IMMP2L: variants seen among roughly 807,000 people sequenced by gnomAD.
The protein encoded by IMMP2L is inner mitochondrial membrane peptidase subunit 2.
A neutral mutation model predicts 19.3 loss-of-function variants in IMMP2L; 18 were observed. That is an observed-to-expected ratio of 0.93 (90% CI 0.64 to 1.38). The LOEUF is 1.38. Ranked by LOEUF, IMMP2L falls within the 40% of genes most tolerant of loss-of-function variation. The pLI is 0.00. For missense variants in IMMP2L, 233 were observed against 218.2 expected (o/e 1.07, Z -0.43); for synonymous variants, 76 against 73.0 (o/e 1.04, Z -0.21).
intron 3 of IMMP2L, among the ~76,000 whole-genome samples, chr7:110,967,960 T>G (rs1342229927): frequency 2.6e-5 from 4 of 152,050 alleles, no homozygotes; most frequent in African/African-American, 7.2e-5. Flanking sequence ...CTAAAAGGCT[T>G]TGGAGTATAT....
intron 3 of IMMP2L, among the ~76,000 whole-genome samples, chr7:111,344,991 G>A (rs1827393320): frequency 6.6e-6 from 1 of 151,948 alleles, no homozygotes; most frequent in Admixed American, 6.6e-5. Flanking sequence ...AGAAACCCAG[G>A]GACTCAACTC....
At chr7:111,546,334 T>C (rs1020109555) in intron 1 of IMMP2L, among the ~76,000 whole-genome samples, 4 of 152,088 alleles carry the variant, frequency 2.6e-5, no homozygotes, top group East Asian at 1.9e-4. Context: ...CAATGACACA[T>C]TGTGTTTTCA....
At chr7:110,794,925 G>A (rs956110213) in intron 5 of IMMP2L, among the ~76,000 whole-genome samples, 1 of 151,972 alleles carries the variant, frequency 6.6e-6, no homozygotes, top group Non-Finnish European at 1.5e-5. Flanking sequence ...ATACCTAAAT[G>A]ACTTGCCCAC....
intron 5 of IMMP2L, among the ~76,000 whole-genome samples, chr7:110,841,480 A>G (rs1240416242): frequency 1.3e-5 from 2 of 152,080 alleles, no homozygotes; most frequent in African/African-American, 4.8e-5. Flanking sequence ...TTATTTTTAG[A>G]TAACTAATAA....
chr7:111,348,351 C>T (rs1263275046), intron 3 of IMMP2L, among the ~76,000 whole-genome samples: 3 of 151,954 alleles, frequency 2.0e-5, no homozygotes, highest in Non-Finnish European at 4.4e-5. Flanking sequence ...TATATAAAAT[C>T]TTTATATGAG....
Position 111,301,154 on chromosome 7 carries a change from A to G in IMMP2L, c.239+186084T>C, listed in dbSNP as rs758534991. 3.0e-4 allele frequency among the ~76,000 whole-genome samples: 45 copies of G among 152,076 alleles called. 1 individual carries two copies. The highest frequency in any genetic ancestry group is 8.5e-4 in the Admixed American group (13 of 15,232). ...TAGTCATTCTGATAGGTGTGTAGTA[A>G]TAACTTATTGTGATTTTAATTTACA... On this transcript the variant is annotated intron_variant, in intron 3 of 5. Coordinates refer to ENST00000405709, the MANE Select transcript of IMMP2L (RefSeq NM_032549.4).
chr7:110,825,342 A>T (rs1803378657), intron 5 of IMMP2L, among the ~76,000 whole-genome samples: 2 of 152,156 alleles, frequency 1.3e-5, no homozygotes, highest in South Asian at 4.1e-4. Flanking sequence ...ACTACTTTAA[A>T]GTTCATATGG....
chr7:111,466,345 A>C (rs1413268400), intron 3 of IMMP2L, among the ~76,000 whole-genome samples: 2 of 152,108 alleles, frequency 1.3e-5, no homozygotes, highest in African/African-American at 4.8e-5. Context: ...AAGTATAATA[A>C]AAAAAATTAT....
At chr7:111,367,384 C>T (rs1424990776) in intron 3 of IMMP2L, among the ~76,000 whole-genome samples, 4 of 151,702 alleles carry the variant, frequency 2.6e-5, no homozygotes, top group African/African-American at 7.3e-5. Flanking sequence ...TTTATTCCTA[C>T]TGGGTTAAAA....
chr7:111,134,590 A>T (rs913228693), intron 3 of IMMP2L, among the ~76,000 whole-genome samples: 2 of 152,114 alleles, frequency 1.3e-5, no homozygotes, highest in African/African-American at 4.8e-5. Context: ...TATGAAAAAC[A>T]TAAAATTTGG....
At chr7:111,516,488 C>T (rs1845878739) in intron 2 of IMMP2L, among the ~76,000 whole-genome samples, 2 of 152,014 alleles carry the variant, frequency 1.3e-5, no homozygotes, top group Admixed American at 1.3e-4. Context: ...ACTACTCTTG[C>T]AACTTTTGTG....
At chr7:110,996,045 T>C (rs554286505) in intron 3 of IMMP2L, among the ~76,000 whole-genome samples, 1 of 152,242 alleles carries the variant, frequency 6.6e-6, no homozygotes, top group Non-Finnish European at 1.5e-5. Context: ...CACTTTACCT[T>C]TGGGCAACCT....
chr7:110,950,856 A>ATATG (rs1554470794), intron 4 of IMMP2L, among the ~76,000 whole-genome samples: 11 of 126,080 alleles, frequency 8.7e-5, no homozygotes, highest in African/African-American at 4.3e-4. Context: ...ATATATATAT[A>ATATG]TATATATATA....
intron 5 of IMMP2L, among the ~76,000 whole-genome samples, chr7:110,836,186 G>A (rs1363292243): frequency 2.0e-5 from 3 of 152,116 alleles, no homozygotes; most frequent in Non-Finnish European, 2.9e-5. Flanking sequence ...GTTAATACTG[G>A]TTCCTGTATT....
intron 4 of IMMP2L, among the ~76,000 whole-genome samples, chr7:110,935,233 T>C (rs1174276123): frequency 1.3e-5 from 2 of 152,188 alleles, no homozygotes; most frequent in Admixed American, 6.5e-5. Context: ...CTGTAAAGGA[T>C]TTTAATTCTC....
intron 3 of IMMP2L, among the ~76,000 whole-genome samples, chr7:111,418,956 A>G (rs939825941): frequency 1.3e-5 from 2 of 151,808 alleles, no homozygotes; most frequent in African/African-American, 4.9e-5. Flanking sequence ...CCATCCTTCA[A>G]TAAACTATTT....
At chr7:110,743,677 T>G (rs1797137582) in intron 5 of IMMP2L, among the ~76,000 whole-genome samples, 1 of 152,160 alleles carries the variant, frequency 6.6e-6, no homozygotes, top group African/African-American at 2.4e-5. Flanking sequence ...ACCCGGGAAG[T>G]GCAAGGAGTC....
intron 4 of IMMP2L, among the ~76,000 whole-genome samples, chr7:110,911,145 CATTAA>C (rs1813018225): frequency 6.6e-6 from 1 of 151,952 alleles, no homozygotes; most frequent in South Asian, 2.1e-4. Flanking sequence ...AACAACCAGA[CATTAA>C]AATTAGAATA....
At chr7:110,952,155 A>T (rs1230192538) in intron 4 of IMMP2L, among the ~76,000 whole-genome samples, 1 of 152,294 alleles carries the variant, frequency 6.6e-6, no homozygotes, top group African/African-American at 2.4e-5. Context: ...GAAAAAAAAC[A>T]TAAATTAATA....
Sources: allele counts gnomAD v4.1 joint callset (sites outside exome capture counted in the v4.1 genomes callset), GRCh38; gene constraint gnomAD v4.1.1; transcripts MANE v1.5; gene names NCBI Gene and HGNC (gene_info 2026-07-23, HGNC 2026-07-21).